Variants in AKAP7 observed in about 807,000 individuals in gnomAD.
The protein encoded by AKAP7 is A-kinase anchoring protein 7.
Under a neutral mutation model 39.5 loss-of-function variants are expected in AKAP7, and 39 were observed. That is an observed-to-expected ratio of 0.99 (90% CI 0.76 to 1.29). The LOEUF is 1.29. AKAP7 is among the 50% of genes most tolerant of loss of function. AKAP7 has a pLI of 0.00. For missense variants in AKAP7, 414 were observed against 407.7 expected (o/e 1.02, Z -0.13); for synonymous variants, 140 against 139.1 (o/e 1.01, Z -0.05).
chr6:131,137,384 C>CTT (rs398066280), intron 1 of AKAP7: 11 of 143,716 alleles, frequency 7.7e-5, no homozygotes, highest in South Asian at 6.7e-4. Flanking sequence ...TTTTCTCTCT[C>CTT]TTTTTTTTTT....
chr6:131,140,074 A>G (rs1418888251), intron 1 of AKAP7, among the ~76,000 whole-genome samples: 1 of 152,184 alleles, frequency 6.6e-6, no homozygotes, highest in African/African-American at 2.4e-5. Context: ...TGTTCACACA[A>G]TCTCTTAGTC....
chr6:131,138,531 C>T (rs779659967), intron 1 of AKAP7, among the ~76,000 whole-genome samples: 6 of 152,108 alleles, frequency 3.9e-5, no homozygotes, highest in Non-Finnish European at 5.9e-5. Flanking sequence ...AGAAGAACAT[C>T]GGAAGAATAT....
intron 7 of AKAP7, among the ~76,000 whole-genome samples, chr6:131,229,551 G>C (rs138302844): frequency 6.6e-6 from 1 of 151,988 alleles, no homozygotes; most frequent in African/African-American, 2.4e-5. Context: ...GTTTCACCAC[G>C]TTGGCCAGGC....
intron 7 of AKAP7, among the ~76,000 whole-genome samples, chr6:131,257,338 A>AGCCTGGGT (rs1303020426): frequency 2.0e-5 from 3 of 147,172 alleles, no homozygotes; most frequent in Middle Eastern, 3.6e-3. Context: ...ACTGTACTCC[A>AGCCTGGGT]GCCTGGGTGA....
chr6:131,204,237 G>A (rs1045609749), intron 6 of AKAP7, among the ~76,000 whole-genome samples: 1 of 152,108 alleles, frequency 6.6e-6, no homozygotes, highest in Non-Finnish European at 1.5e-5. Flanking sequence ...GATGTTTACT[G>A]AAGTATTATC....
At chr6:131,125,811 T>C in the AKAP7 span, among the ~76,000 whole-genome samples, 7 of 152,214 alleles carry the variant, frequency 4.6e-5, no homozygotes, top group African/African-American at 1.7e-4. Context: ...GTGTGGCCCA[T>C]TCATGCCACG....
chr6:131,161,230 T>G (rs1169213181), intron 3 of AKAP7, among the ~76,000 whole-genome samples: 1 of 152,152 alleles, frequency 6.6e-6, no homozygotes, highest in South Asian at 2.1e-4. Flanking sequence ...GGGGAGAAGA[T>G]ATACATAACA....
At chr6:131,179,475 G>A (rs566741945) in intron 5 of AKAP7, among the ~76,000 whole-genome samples, 3 of 152,208 alleles carry the variant, frequency 2.0e-5, no homozygotes, top group South Asian at 2.1e-4. Flanking sequence ...TGCCTGGCCC[G>A]TTATTGTCTA....
intron 7 of AKAP7, among the ~76,000 whole-genome samples, chr6:131,277,271 T>G (rs1294563559): frequency 6.6e-6 from 1 of 152,218 alleles, no homozygotes; most frequent in Non-Finnish European, 1.5e-5. Context: ...ACTATTCTCC[T>G]AAGAAATTGA....
intron 7 of AKAP7, among the ~76,000 whole-genome samples, chr6:131,260,765 T>C (rs1285964148): frequency 6.6e-6 from 1 of 152,202 alleles, no homozygotes; most frequent in African/African-American, 2.4e-5. Flanking sequence ...CTGTTCACTA[T>C]GATAATAGTT....
chr6:131,278,058 A>G (rs1814889693), intron 7 of AKAP7, among the ~76,000 whole-genome samples: 3 of 152,178 alleles, frequency 2.0e-5, no homozygotes, highest in Non-Finnish European at 4.4e-5. Flanking sequence ...CCTTATAGGA[A>G]GATAGAAACA....
intron 7 of AKAP7, among the ~76,000 whole-genome samples, chr6:131,252,484 G>A (rs1056717951): frequency 2.6e-5 from 4 of 152,100 alleles, no homozygotes; most frequent in African/African-American, 9.7e-5. Context: ...CACTCCCCAT[G>A]GAAACACATA....
chr6:131,213,553 G>A (rs1053971431), intron 6 of AKAP7, among the ~76,000 whole-genome samples: 3 of 152,128 alleles, frequency 2.0e-5, no homozygotes, highest in South Asian at 2.1e-4. Flanking sequence ...TGTTACATTC[G>A]AGTGACCACA....
the AKAP7 span, among the ~76,000 whole-genome samples, chr6:131,126,117 T>C: frequency 6.6e-6 from 1 of 152,228 alleles, no homozygotes; most frequent in African/African-American, 2.4e-5. Flanking sequence ...ATAAGTTATA[T>C]TTCTGGACAA....
At chr6:131,174,944 C>T (rs1053355034) in intron 5 of AKAP7, among the ~76,000 whole-genome samples, 13 of 150,932 alleles carry the variant, frequency 8.6e-5, no homozygotes, top group African/African-American at 2.4e-4. Context: ...ATGTAACTTT[C>T]GACTCCTCCA....
At chr6:131,136,290 C>A (rs1800534304) in intron 1 of AKAP7, among the ~76,000 whole-genome samples, 1 of 152,124 alleles carries the variant, frequency 6.6e-6, no homozygotes, top group Non-Finnish European at 1.5e-5. Context: ...AATGAATTTC[C>A]AGTTTAGGTC....
chr6:131,266,224 C>T (rs1183237959), intron 7 of AKAP7, among the ~76,000 whole-genome samples: 4 of 152,180 alleles, frequency 2.6e-5, no homozygotes, highest in African/African-American at 9.7e-5. Flanking sequence ...AGAAATTAAT[C>T]TTGCCTTTAG....
intron 7 of AKAP7, among the ~76,000 whole-genome samples, chr6:131,233,107 C>A (rs1276356036): frequency 6.6e-6 from 1 of 151,498 alleles, no homozygotes; most frequent in Non-Finnish European, 1.5e-5. Flanking sequence ...ACTGGAAAAA[C>A]AAAGTTGGCA....
At chr6:131,267,432 C>A (rs1156787949) in intron 7 of AKAP7, among the ~76,000 whole-genome samples, 1 of 152,126 alleles carries the variant, frequency 6.6e-6, no homozygotes, top group East Asian at 1.9e-4. Context: ...AAATAAGCAA[C>A]CTTGAAGACG....
Sources: gnomAD v4.1 joint callset for allele counts (sites outside exome capture counted in the v4.1 genomes callset) on GRCh38, gnomAD v4.1.1 for gene constraint, MANE v1.5 for transcripts, NCBI Gene and HGNC (gene_info 2026-07-23, HGNC 2026-07-21) for gene names.